Variants in IL1RAPL1 observed in about 807,000 individuals in gnomAD.
IL1RAPL1 encodes the protein interleukin-1 receptor accessory protein-like 1.
IL1RAPL1 carries 3 observed loss-of-function variants against 48.4 expected under a neutral mutation model. The observed-to-expected ratio is 0.06, with a 90% CI of 0.03 to 0.16. The LOEUF (loss-of-function observed/expected upper bound fraction) is 0.16, where lower values mean the gene tolerates loss of function less well. IL1RAPL1 is among the 10% of genes least tolerant of loss of function. The pLI, the probability that IL1RAPL1 is intolerant of heterozygous loss-of-function variation, is 1.00. For missense variants in IL1RAPL1, 349 were observed against 530.6 expected (o/e 0.66, Z 3.36); for synonymous variants, 185 against 187.7 (o/e 0.99, Z 0.12).
chrX:29,246,421 C>G lies in IL1RAPL1; in HGVS notation c.83-36517C>G, dbSNP rs140379378. Among the ~76,000 whole-genome samples, 689 of 110,186 alleles carry G rather than the reference C, an allele frequency of 6.3e-3. 2 individuals are homozygous for G. Among genetic ancestry groups the G allele is most frequent in the Middle Eastern group, 0.028 (6 of 214 alleles). ...AGCTGATCTACCTCTCATCATCCTT[C>G]TAGTCATGACTTCAAATTACCACCA... On this transcript the variant is annotated intron_variant, in intron 2 of 10. Transcript: ENST00000378993.
chrX:28,988,159 G>A (rs1046136089), intron 2 of IL1RAPL1, among the ~76,000 whole-genome samples: 7 of 110,452 alleles, frequency 6.3e-5, no homozygotes, highest in African/African-American at 2.3e-4. Flanking sequence ...AACTACGAAT[G>A]GAGTGAAAGA....
Position 28,855,829 on chromosome X carries a change from A to G in IL1RAPL1, c.82+66404A>G, listed in dbSNP as rs369914011. ...AAGTTTCTTTCACATCAGCAAGCAG[A>G]TATACAAATAGGAAAAATCTTAATT... On this transcript the variant is annotated intron_variant, in intron 2 of 10. Coordinates refer to ENST00000378993, the MANE Select transcript of IL1RAPL1 (RefSeq NM_014271.4). Among the ~76,000 whole-genome samples, 5 of 111,603 alleles carry G rather than the reference A, an allele frequency of 4.5e-5. No individual in the cohort carries two copies. In the East Asian group the frequency reaches 1.4e-3, roughly 32 times the overall value.
rs1936252232 is a variant in IL1RAPL1 at position 28,767,301 on chromosome X, A to G, written c.-24-22019A>G. On this transcript the variant is annotated intron_variant, in intron 1 of 10. Coordinates refer to ENST00000378993, the MANE Select transcript of IL1RAPL1 (RefSeq NM_014271.4). ...TGACACATGCTTGACTTTAGTATGA[A>G]AGTGTCATTGACATTGGCTGTCTAG... 2.7e-5 allele frequency among the ~76,000 whole-genome samples: 3 copies of G among 111,119 alleles called. No individual in the cohort carries two copies. The Admixed American group carries it at 2.9e-4, about 11-fold the overall frequency.
chrX:29,621,356 C>T (rs765172703), intron 5 of IL1RAPL1, among the ~76,000 whole-genome samples: 1 of 110,743 alleles, frequency 9.0e-6, no homozygotes, highest in Non-Finnish European at 1.9e-5. Context: ...AGTATATGTA[C>T]ACATATATAT....
At chrX:29,080,803 C>T (rs67364481) in intron 2 of IL1RAPL1, among the ~76,000 whole-genome samples, 16,881 of 102,862 alleles carry the variant, frequency 0.16, 1,352 homozygotes, top group South Asian at 0.29. Context: ...AGGGCAGTGG[C>T]GTGATTTTGG....
chrX:28,887,675 G>T (rs757141995), intron 2 of IL1RAPL1, among the ~76,000 whole-genome samples: 1 of 111,498 alleles, frequency 9.0e-6, no homozygotes, highest in South Asian at 3.7e-4. Context: ...TTTTAACTCT[G>T]CATAAATAGT....
At chrX:29,752,238 C>T (rs1282618446) in intron 6 of IL1RAPL1, among the ~76,000 whole-genome samples, 2 of 106,957 alleles carry the variant, frequency 1.9e-5, no homozygotes, top group Non-Finnish European at 3.8e-5. Flanking sequence ...GGGCTCACAC[C>T]TGTAATCCCA....
At chrX:29,821,440 ACT>A (rs1360969784) in intron 6 of IL1RAPL1, among the ~76,000 whole-genome samples, 2 of 101,988 alleles carry the variant, frequency 2.0e-5, no homozygotes, top group East Asian at 3.1e-4. Flanking sequence ...ACAGAGCGAG[ACT>A]CTGTCTCAAA....
chrX:28,704,796 TCACACACA>T (rs201309320), intron 1 of IL1RAPL1, among the ~76,000 whole-genome samples: 15 of 50,569 alleles, frequency 3.0e-4, no homozygotes, highest in African/African-American at 1.3e-3. Context: ...AGGTTTGAGT[TCACACACA>T]CACACACACA....
At chrX:29,060,003 T>C (rs764025210) in intron 2 of IL1RAPL1, among the ~76,000 whole-genome samples, 4 of 111,980 alleles carry the variant, frequency 3.6e-5, no homozygotes, top group South Asian at 7.4e-4. Context: ...CATGTTGTTT[T>C]ATCTGAAAGG....
At chrX:29,612,715 G>A (rs1261584109) in intron 5 of IL1RAPL1, among the ~76,000 whole-genome samples, 1 of 111,771 alleles carries the variant, frequency 8.9e-6, no homozygotes, top group Non-Finnish European at 1.9e-5. Context: ...CAACAGTAGT[G>A]ATCCTTAATT....
chrX:29,168,166 C>A (rs1024032306), intron 2 of IL1RAPL1, among the ~76,000 whole-genome samples: 1 of 109,904 alleles, frequency 9.1e-6, no homozygotes, highest in African/African-American at 3.3e-5. Flanking sequence ...CCAATTTAGA[C>A]ATTTATCATT....
intron 6 of IL1RAPL1, among the ~76,000 whole-genome samples, chrX:29,738,240 C>T (rs1052982735): frequency 4.5e-5 from 5 of 110,359 alleles, no homozygotes; most frequent in Non-Finnish European, 7.6e-5. Context: ...TAAATACATT[C>T]GCTAACCCAG....
At chrX:29,616,560 A>G (rs1482272831) in intron 5 of IL1RAPL1, among the ~76,000 whole-genome samples, 2 of 98,990 alleles carry the variant, frequency 2.0e-5, no homozygotes, top group African/African-American at 7.7e-5. Context: ...ATTCCCACCT[A>G]TGAGTGAGAA....
intron 2 of IL1RAPL1, among the ~76,000 whole-genome samples, chrX:28,993,183 T>C (rs754250553): frequency 8.9e-6 from 1 of 112,149 alleles, no homozygotes; most frequent in Non-Finnish European, 1.9e-5. Flanking sequence ...AATTTGAAAA[T>C]ATTTGCAAAT....
intron 2 of IL1RAPL1, among the ~76,000 whole-genome samples, chrX:29,007,211 TAGAG>T (rs964795495): frequency 1.8e-5 from 2 of 111,772 alleles, no homozygotes; most frequent in African/African-American, 6.5e-5. Context: ...CTATAGTTGT[TAGAG>T]AGAAGGAGTT....
At chrX:28,739,062 T>A (rs1935877857) in intron 1 of IL1RAPL1, among the ~76,000 whole-genome samples, 2 of 111,348 alleles carry the variant, frequency 1.8e-5, no homozygotes, top group Admixed American at 1.9e-4. Flanking sequence ...AGGCCCTTCA[T>A]AATTTGATGT....
intron 6 of IL1RAPL1, among the ~76,000 whole-genome samples, chrX:29,843,161 G>T (rs1006257201): frequency 2.7e-5 from 3 of 111,591 alleles, no homozygotes; most frequent in African/African-American, 9.8e-5. Context: ...TATGAGTTCC[G>T]TACATTCACT....
intron 6 of IL1RAPL1, among the ~76,000 whole-genome samples, chrX:29,758,811 A>G (rs1408556581): frequency 9.0e-6 from 1 of 111,523 alleles, no homozygotes; most frequent in Non-Finnish European, 1.9e-5. Flanking sequence ...AACAAAACAA[A>G]CAAACAAAAA....
Sources: gnomAD v4.1 joint callset for allele counts (sites outside exome capture counted in the v4.1 genomes callset) on GRCh38, gnomAD v4.1.1 for gene constraint, MANE v1.5 for transcripts, NCBI Gene and HGNC (gene_info 2026-07-23, HGNC 2026-07-21) for gene names.